Variants in FDFT1 observed in about 807,000 individuals in gnomAD.
FDFT1 encodes farnesyl-diphosphate farnesyltransferase 1, also known as squalene synthase.
A neutral mutation model predicts 46.8 loss-of-function variants in FDFT1; 68 were observed. The observed-to-expected ratio is 1.45, with a 90% confidence interval of 1.19 to 1.78. FDFT1 has a LOEUF of 1.78. Among genes scored for constraint, FDFT1 ranks in the 40% most tolerant of loss-of-function variants. The probability of loss-of-function intolerance (pLI) is 0.00; values close to 1 mark genes in which losing one functional copy is unlikely to be tolerated. For missense variants in FDFT1, 928 were observed against 524.4 expected, an observed-to-expected ratio of 1.77 and a Z score of -7.52; for synonymous variants, 351 against 185.1, an observed-to-expected ratio of 1.90 and a Z score of -7.28.
At chr8:11,796,933 C>T (rs754786381) in intron 1 of FDFT1, among the ~76,000 whole-genome samples, 8 of 152,376 alleles carry the variant, frequency 5.3e-5, no homozygotes, top group East Asian at 3.9e-4. Context: ...GCTCCGCAGG[C>T]AGTGTGCTGA....
intron 3 of FDFT1, among the ~76,000 whole-genome samples, chr8:11,819,940 A>AT (rs1178432888): frequency 6.6e-6 from 1 of 151,822 alleles, no homozygotes. Flanking sequence ...TGTTTTTGGA[A>AT]TTTTCAGCCT....
At chr8:11,796,138 A>T (rs1585815048) in intron 1 of FDFT1, 1 of 152,278 alleles carries the variant, frequency 6.6e-6, no homozygotes, top group East Asian at 1.9e-4. Flanking sequence ...ATGCCTCCTA[A>T]ATGCTAGGAT....
intron 3 of FDFT1, 79 bp from the exon 4 acceptor site, chr8:11,821,671 C>G: frequency 1.3e-6 from 2 of 1,503,502 alleles, no homozygotes; most frequent in Non-Finnish European, 1.8e-6. Context: ...ATTAATTCCG[C>G]CATTGTTTGC....
chr8:11,797,023 A>G lies in FDFT1; in HGVS notation c.-94+1012A>G, dbSNP rs114508753. Among the ~76,000 whole-genome samples, 1,154 of 152,364 alleles carry G rather than the reference A, an allele frequency of 7.6e-3. 16 individuals carry two copies. Among genetic ancestry groups the G allele is most frequent in the Middle Eastern group, 0.027 (8 of 294 alleles). On this transcript the variant is annotated intron_variant, in intron 1 of 7. Coordinates refer to the FDFT1 transcript ENST00000538689. ...AGATTAAAGGACAGTTTCTGAAGAC[A>G]TCTGTAGGAAAAGGGTAGTAACTTC...
chr8:11,795,613 G>C (rs568229800), exon 1 of FDFT1: 4 of 150,338 alleles, frequency 2.7e-5, no homozygotes, highest in Non-Finnish European at 4.4e-5. Context: ...TACAACGCTT[G>C]GGAAGCTTTG....
chr8:11,829,234 C>T (rs556253023), intron 5 of FDFT1, among the ~76,000 whole-genome samples: 1 of 152,198 alleles, frequency 6.6e-6, no homozygotes, highest in Non-Finnish European at 1.5e-5. Context: ...GCCATTTTAA[C>T]TATTTTTAAG....
chr8:11,806,009 T>C (rs911224528), intron 1 of FDFT1, among the ~76,000 whole-genome samples: 5 of 152,156 alleles, frequency 3.3e-5, no homozygotes, highest in African/African-American at 4.8e-5. Context: ...GTAAATTCAG[T>C]TCTCAAGTTT....
intron 3 of FDFT1, among the ~76,000 whole-genome samples, chr8:11,812,923 C>T (rs985804334): frequency 1.3e-5 from 2 of 152,210 alleles, no homozygotes; most frequent in Admixed American, 1.3e-4. Flanking sequence ...AGGATACATT[C>T]TGAGAAACGC....
At chr8:11,831,488 C>T (rs764584948) in intron 6 of FDFT1, 30 bp from the exon 7 acceptor site, 5 of 1,599,958 alleles carry the variant, frequency 3.1e-6, no homozygotes, top group Admixed American at 3.4e-5. Context: ...ATCATTTCTT[C>T]TTTTTTCCCT....
chr8:11,832,913 G>A (rs1293315), intron 7 of FDFT1, among the ~76,000 whole-genome samples: 73,416 of 152,062 alleles, frequency 0.48, 19,539 homozygotes, highest in Non-Finnish European at 0.59. Flanking sequence ...TAGTCCCCCT[G>A]TTACGCGTTT....
chr8:11,817,828 TTTTTTGAAGGG>T (rs1223348860), intron 3 of FDFT1, among the ~76,000 whole-genome samples: 1 of 151,988 alleles, frequency 6.6e-6, no homozygotes, highest in East Asian at 1.9e-4. Context: ...ATTAATTTTT[TTTTTTGAAGGG>T]TTTTTTGTGT....
chr8:11,826,549 C>T (rs974713428), intron 5 of FDFT1, among the ~76,000 whole-genome samples: 5 of 152,246 alleles, frequency 3.3e-5, no homozygotes, highest in African/African-American at 1.2e-4. Context: ...CGCAGTGGCT[C>T]ATGCCTGTAA....
Position 11,830,431 on chromosome 8 carries a change from G to A in FDFT1, c.879+11G>A. On this transcript the variant is annotated intron_variant, in intron 6 of 7. Transcript: ENST00000220584. ...TGTGCTATTCCACAGGTAGGGAAGG[G>A]GGCTCCTCTGGGTGGATACGGGGCT... 2 of 1,599,270 alleles carry A rather than the reference G, an allele frequency of 1.3e-6. No individual in the cohort carries two copies. The highest frequency in any genetic ancestry group is 8.6e-7 in the Non-Finnish European group (1 of 1,167,602).
Position 11,838,431 on chromosome 8 carries a change from C to G in FDFT1, c.1076C>G (p.Thr359Arg), listed in dbSNP as rs150943942. Residue 359 changes from threonine (T) to arginine (R), a missense_variant, in exon 8 of 8, where the codon ACA becomes AGA. By Grantham distance (71) the Thr-to-Arg change is moderately conservative (BLOSUM62 -1). Coordinates refer to ENST00000220584, the MANE Select transcript of FDFT1 (RefSeq NM_004462.5). Reference protein sequence around the residue: ...IPDSDPSSSKTRQIISTIRTQ... With the variant: ...IPDSDPSSSKRRQIISTIRTQ... ...GACTCAGACCCATCTTCTAGCAAAACAAGGCAGATCATCTCCACCATCCGG... is the reference window on the plus strand; with the variant it reads ...GACTCAGACCCATCTTCTAGCAAAAGAAGGCAGATCATCTCCACCATCCGG... 1.9e-6 allele frequency: 3 copies of G among 1,612,054 alleles called. No individual in the cohort carries two copies. The highest frequency in any genetic ancestry group is 4.5e-5 in the East Asian group (2 of 44,858).
intron 3 of FDFT1, among the ~76,000 whole-genome samples, chr8:11,816,638 T>A (rs541599746): frequency 6.6e-6 from 1 of 152,196 alleles, no homozygotes; most frequent in East Asian, 1.9e-4. Flanking sequence ...CTATTGTGAA[T>A]GGGAGTTCAC....
At chr8:11,806,495 C>T (rs1294305700) in intron 1 of FDFT1, among the ~76,000 whole-genome samples, 2 of 152,096 alleles carry the variant, frequency 1.3e-5, no homozygotes, top group Non-Finnish European at 2.9e-5. Flanking sequence ...GAGTAAGTGG[C>T]TTGGCTTGCT....
At chr8:11,812,576 A>C (rs1428912316) in intron 3 of FDFT1, among the ~76,000 whole-genome samples, 2 of 152,236 alleles carry the variant, frequency 1.3e-5, no homozygotes, top group African/African-American at 4.8e-5. Context: ...ACCTGAATCA[A>C]CCAGGTTGTT....
At chr8:11,837,533 G>A (rs911575964) in intron 7 of FDFT1, among the ~76,000 whole-genome samples, 1 of 152,114 alleles carries the variant, frequency 6.6e-6, no homozygotes, top group Non-Finnish European at 1.5e-5. Context: ...TGCCTGGCCC[G>A]GCAACTGTTA....
At chr8:11,829,712 C>T (rs1369813874) in intron 5 of FDFT1, among the ~76,000 whole-genome samples, 1 of 152,224 alleles carries the variant, frequency 6.6e-6, no homozygotes, top group Non-Finnish European at 1.5e-5. Context: ...ACGTAACTCA[C>T]TTCCAGGTTG....
Sources: allele counts gnomAD v4.1 joint callset (sites outside exome capture counted in the v4.1 genomes callset), GRCh38; gene constraint gnomAD v4.1.1; transcripts MANE v1.5; gene names NCBI Gene and HGNC (gene_info 2026-07-23, HGNC 2026-07-21).